The following LHFPL3 variants were observed in gnomAD, a reference collection of about 807,000 sequenced individuals.
LHFPL3 encodes LHFPL tetraspan subfamily member 3 protein.
In LHFPL3, 5 loss-of-function variants were observed where a neutral mutation model predicts 19.3. That is an observed-to-expected ratio of 0.26 (90% CI 0.14 to 0.54). The LOEUF (loss-of-function observed/expected upper bound fraction) is 0.54, where lower values mean the gene tolerates loss of function less well. Ranked by LOEUF, LHFPL3 falls within the 20% of genes least tolerant of loss-of-function variation. The pLI, the probability that LHFPL3 is intolerant of heterozygous loss-of-function variation, is 0.94. For synonymous variants in LHFPL3, 133 were observed against 126.2 expected, an observed-to-expected ratio of 1.05 and a Z score of -0.36; for missense variants, 249 against 307.4, an observed-to-expected ratio of 0.81 and a Z score of 1.42.
At position 104,328,832 on chromosome 7, in the gene LHFPL3, C is replaced by T. The variant is rs775511058; in HGVS notation, c.53C>T (p.Ala18Val). ...GCCGCCGCCGCCGCGATGCTCCCGG[C>T]TCAGGAGGCTGCCAAGCTGTACCAC... ...AAAAAAAMLP[A>V]QEAAKLYHTN... Residue 18 changes from alanine to valine, a missense_variant, in exon 1 of 3, where the codon GCT becomes GTT. By Grantham distance (64) the Ala-to-Val change is moderately conservative. Coordinates refer to ENST00000424859, the MANE Select transcript of LHFPL3 (RefSeq NM_199000.3). This position sits in a 1 kb window ranked among gnomAD's most constrained non-coding sequence, Gnocchi z 4.6. 14 of 1,613,476 alleles carry T rather than the reference C, an allele frequency of 8.7e-6. No homozygotes were observed. The highest frequency in any genetic ancestry group is 1.6e-4 in the Middle Eastern group (1 of 6,084).
chr7:104,851,175 C>T (rs563882560), intron 2 of LHFPL3, among the ~76,000 whole-genome samples: 13 of 152,140 alleles, frequency 8.5e-5, no homozygotes, highest in Non-Finnish European at 1.6e-4. Flanking sequence ...GTTTTTGCTC[C>T]CCTTGTAAGG....
intron 1 of LHFPL3, among the ~76,000 whole-genome samples, chr7:104,607,561 G>T (rs1300688936): frequency 6.6e-6 from 1 of 152,088 alleles, no homozygotes; most frequent in Non-Finnish European, 1.5e-5. Context: ...GAAGATCCAG[G>T]GGTTATTGAA....
At chr7:104,591,314 G>A (rs994879298) in intron 1 of LHFPL3, among the ~76,000 whole-genome samples, 1 of 152,150 alleles carries the variant, frequency 6.6e-6, no homozygotes, top group Non-Finnish European at 1.5e-5. Flanking sequence ...GCCTGATGGT[G>A]ACAAAAGTCT....
At chr7:104,400,912 T>C (rs568335623) in intron 1 of LHFPL3, among the ~76,000 whole-genome samples, 1 of 152,374 alleles carries the variant, frequency 6.6e-6, no homozygotes, top group South Asian at 2.1e-4. Context: ...ACAGGTTTAG[T>C]GAACTCTCAA....
At chr7:104,572,397 A>G (rs1023524061) in intron 1 of LHFPL3, among the ~76,000 whole-genome samples, 3 of 152,202 alleles carry the variant, frequency 2.0e-5, no homozygotes, top group African/African-American at 7.2e-5. Context: ...AGTCTGTTTT[A>G]TTTCAAAAGA....
intron 1 of LHFPL3, among the ~76,000 whole-genome samples, chr7:104,440,510 A>G (rs1053524191): frequency 2.0e-5 from 3 of 152,074 alleles, no homozygotes; most frequent in Non-Finnish European, 4.4e-5. Flanking sequence ...ACATGTATAC[A>G]TATGTAACAA....
At chr7:104,829,730 T>A (rs1410411699) in intron 2 of LHFPL3, among the ~76,000 whole-genome samples, 1 of 152,010 alleles carries the variant, frequency 6.6e-6, no homozygotes, top group Non-Finnish European at 1.5e-5. Context: ...CAGTCTATCA[T>A]GGTTGGACAT....
intron 1 of LHFPL3, among the ~76,000 whole-genome samples, chr7:104,428,860 T>C (rs1282121042): frequency 1.3e-5 from 2 of 152,178 alleles, no homozygotes; most frequent in African/African-American, 4.8e-5. Context: ...AATAACCCTA[T>C]TGATAGGAAG....
At chr7:104,710,358 C>A (rs1793277802) in intron 1 of LHFPL3, among the ~76,000 whole-genome samples, 1 of 152,098 alleles carries the variant, frequency 6.6e-6, no homozygotes, top group Admixed American at 6.6e-5. Flanking sequence ...CTGCTTTGAC[C>A]TTAGTTATTG....
At chr7:104,571,817 G>A (rs1162090653) in intron 1 of LHFPL3, among the ~76,000 whole-genome samples, 2 of 152,148 alleles carry the variant, frequency 1.3e-5, no homozygotes, top group African/African-American at 4.8e-5. Flanking sequence ...ATCCCTCAGA[G>A]GACAGAGGAA....
At chr7:104,393,285 T>C (rs184081386) in intron 1 of LHFPL3, among the ~76,000 whole-genome samples, 177 of 152,172 alleles carry the variant, frequency 1.2e-3, no homozygotes, top group African/African-American at 4.1e-3. Flanking sequence ...AACATAAAGT[T>C]ACCATATGAC....
chr7:104,352,629 A>C (rs1790200565), intron 1 of LHFPL3, among the ~76,000 whole-genome samples: 1 of 152,188 alleles, frequency 6.6e-6, no homozygotes. Context: ...CCTGACTCTG[A>C]ATCCTGTAGT....
intron 1 of LHFPL3, among the ~76,000 whole-genome samples, chr7:104,568,166 C>G (rs769525224): frequency 2.0e-5 from 3 of 152,078 alleles, no homozygotes; most frequent in Admixed American, 2.0e-4. Context: ...CTGAGAATCA[C>G]CTGGGGAGAA....
chr7:104,486,340 A>G (rs986042919), intron 1 of LHFPL3, among the ~76,000 whole-genome samples: 2 of 152,178 alleles, frequency 1.3e-5, no homozygotes, highest in Non-Finnish European at 2.9e-5. Flanking sequence ...CGACTGTGCT[A>G]TAGTCTATTT....
At position 104,789,434 on chromosome 7, in the gene LHFPL3, T is replaced by A. The variant is rs117066538; in HGVS notation, c.682+52523T>A. 5.0e-3 allele frequency among the ~76,000 whole-genome samples: 759 copies of A among 152,228 alleles called. 25 individuals carry two copies. Among genetic ancestry groups the A allele is most frequent in the East Asian group, 0.017 (86 of 5,176 alleles). ...TGTTAAGGGGTCATTTTTAACTGGA[T>A]TGGATTTCTGGGCTTTTCCATGTTC... is the stretch of plus-strand genomic sequence containing the variant. On this transcript the variant is annotated intron_variant, in intron 2 of 2. Transcript: ENST00000424859.
intron 2 of LHFPL3, among the ~76,000 whole-genome samples, chr7:104,809,287 A>T (rs1790423134): frequency 6.6e-6 from 1 of 152,226 alleles, no homozygotes. Context: ...GATCTTTAAC[A>T]TCCTTTTCCT....
chr7:104,626,000 TAAG>T (rs1791537740), intron 1 of LHFPL3, among the ~76,000 whole-genome samples: 1 of 152,230 alleles, frequency 6.6e-6, no homozygotes, highest in African/African-American at 2.4e-5. Context: ...CAGGCCCTAA[TAAG>T]TTCCACTGTC....
intron 1 of LHFPL3, among the ~76,000 whole-genome samples, chr7:104,360,806 G>C (rs985072471): frequency 1.2e-4 from 18 of 151,772 alleles, no homozygotes; most frequent in African/African-American, 4.1e-4. Flanking sequence ...GACTTCAGAG[G>C]AGAGTGGAAA....
chr7:104,402,096 A>G (rs1019908537), intron 1 of LHFPL3, among the ~76,000 whole-genome samples: 1 of 151,974 alleles, frequency 6.6e-6, no homozygotes, highest in African/African-American at 2.4e-5. Context: ...ACTAAAAAAA[A>G]AAAAACAAAA....
Sources: allele counts gnomAD v4.1 joint callset (sites outside exome capture counted in the v4.1 genomes callset), GRCh38; gene constraint gnomAD v4.1.1; non-coding constraint Gnocchi (gnomAD v3.1); transcripts MANE v1.5; gene names NCBI Gene and HGNC (gene_info 2026-07-23, HGNC 2026-07-21).